Variants in MINDY3 observed in about 807,000 individuals in gnomAD.
The protein encoded by MINDY3 is MINDY lysine 48 deubiquitinase 3.
In MINDY3, 38 loss-of-function variants were observed where a neutral mutation model predicts 69.2. That is an observed-to-expected ratio of 0.55 (90% CI 0.42 to 0.72). The LOEUF (loss-of-function observed/expected upper bound fraction) is 0.72, where lower values mean the gene tolerates loss of function less well. Ranked by LOEUF, MINDY3 falls within the 30% of genes least tolerant of loss-of-function variation. MINDY3 has a pLI of 0.00. For synonymous variants in MINDY3, 192 were observed against 180.1 expected (o/e 1.07, Z -0.53); for missense variants, 522 against 519.0 (o/e 1.01, Z -0.06).
intron 8 of MINDY3, among the ~76,000 whole-genome samples, chr10:15,832,715 A>G (rs1328871280): frequency 6.6e-6 from 1 of 152,212 alleles, no homozygotes; most frequent in Admixed American, 6.5e-5. Context: ...AACGGGTTGT[A>G]CTGTGGTGCT....
chr10:15,816,281 TG>T (rs1839360242), intron 10 of MINDY3, among the ~76,000 whole-genome samples: 4 of 100,640 alleles, frequency 4.0e-5, no homozygotes, highest in African/African-American at 1.9e-4. Flanking sequence ...AAAAAAAAAA[TG>T]AAAAAGAAAA....
chr10:15,838,342 G>A, intron 4 of MINDY3, 63 bp from the exon 5 acceptor site: 3 of 1,407,174 alleles, frequency 2.1e-6, no homozygotes, highest in Admixed American at 2.4e-5. Context: ...GATACACACA[G>A]CAGGCTGTAA....
rs968150241 is a variant in MINDY3, at chr10:15,860,463, T to A, written c.-164A>T. On this transcript the variant is annotated 5_prime_UTR_variant, in exon 1 of 15. Transcript: ENST00000277632. ...GAGAGCCACTTGCAGAGACCAAGCC[T>A]GTCAAGCCAGGTTGGGGCAGCAGCG... 3.1e-6 allele frequency: 2 copies of A among 646,382 alleles called. No homozygotes were observed. The highest frequency in any genetic ancestry group is 2.8e-5 in the East Asian group (1 of 35,384). The allele number at this position is 646,382 out of a possible 1,614,324, so 40.0% of individuals were successfully genotyped here. A position where few individuals can be genotyped will look rare whatever the true frequency, so the allele number is the denominator to read the frequency against.
intron 2 of MINDY3, among the ~76,000 whole-genome samples, chr10:15,844,883 G>A (rs764745860): frequency 6.6e-6 from 1 of 152,034 alleles, no homozygotes; most frequent in Non-Finnish European, 1.5e-5. Flanking sequence ...TACTTTCCTG[G>A]CTTCCTAGTG....
chr10:15,819,128 T>G (rs1441301158), intron 9 of MINDY3, among the ~76,000 whole-genome samples: 2 of 152,180 alleles, frequency 1.3e-5, no homozygotes, highest in Non-Finnish European at 2.9e-5. Flanking sequence ...ATTGTATTAA[T>G]GCATGTATAA....
intron 8 of MINDY3, among the ~76,000 whole-genome samples, chr10:15,827,108 C>A (rs1006268929): frequency 5.5e-5 from 8 of 144,980 alleles, no homozygotes; most frequent in Non-Finnish European, 1.0e-4. Flanking sequence ...CAGAGCGAGA[C>A]CCCGTCTCTA....
At chr10:15,781,874 T>C (rs532446166) in intron 14 of MINDY3, among the ~76,000 whole-genome samples, 91 of 152,306 alleles carry the variant, frequency 6.0e-4, no homozygotes, top group African/African-American at 2.0e-3. Context: ...AACTACGATG[T>C]TGATTTAGAA....
intron 8 of MINDY3, among the ~76,000 whole-genome samples, chr10:15,829,873 T>C (rs1261904648): frequency 6.6e-6 from 1 of 152,136 alleles, no homozygotes; most frequent in East Asian, 1.9e-4. Flanking sequence ...AAACCGAGGC[T>C]CAGATAATTT....
chr10:15,845,813 AT>A (rs891710697), intron 2 of MINDY3, among the ~76,000 whole-genome samples: 827 of 49,326 alleles, frequency 0.017, 2 homozygotes, highest in Non-Finnish European at 0.025. Context: ...GGCCTATGTG[AT>A]TTTTTTTTTT....
chr10:15,833,190 T>A (rs1344986291), intron 8 of MINDY3, among the ~76,000 whole-genome samples: 1 of 152,128 alleles, frequency 6.6e-6, no homozygotes, highest in Non-Finnish European at 1.5e-5. Context: ...AATTTAAAAG[T>A]CTCAGTATTA....
At chr10:15,803,613 A>G (rs1291876014) in intron 10 of MINDY3, among the ~76,000 whole-genome samples, 1 of 152,140 alleles carries the variant, frequency 6.6e-6, no homozygotes, top group East Asian at 1.9e-4. Context: ...TATTTTCTCT[A>G]TCTAACTATA....
chr10:15,818,549 C>T (rs776875965), intron 9 of MINDY3, among the ~76,000 whole-genome samples: 3 of 152,096 alleles, frequency 2.0e-5, no homozygotes, highest in African/African-American at 4.8e-5. Flanking sequence ...AAAATTTGTA[C>T]ATCAATGTTT....
chr10:15,788,137 G>C (rs1564455125), intron 12 of MINDY3, among the ~76,000 whole-genome samples: 1 of 151,854 alleles, frequency 6.6e-6, no homozygotes. Context: ...AAAATTACTT[G>C]AGTTAATTCT....
chr10:15,859,479 C>A (rs1170794246), intron 1 of MINDY3, among the ~76,000 whole-genome samples: 1 of 152,046 alleles, frequency 6.6e-6, no homozygotes, highest in East Asian at 1.9e-4. Context: ...AAGCGCCCAG[C>A]CTGTTACAGT....
At position 15,854,719 on chromosome 10, in the gene MINDY3, T is replaced by C. The variant is rs115081480; in HGVS notation, c.94+5487A>G. 1.6e-3 allele frequency among the ~76,000 whole-genome samples: 248 copies of C among 152,170 alleles called. 1 individual carries two copies. The highest frequency in any genetic ancestry group is 5.8e-3 in the African/African-American group (239 of 41,544). On this transcript the variant is annotated intron_variant, in intron 1 of 14. Coordinates refer to ENST00000277632, the MANE Select transcript of MINDY3 (RefSeq NM_024948.4). ...AGAAGCACTGAGGGCTCAGCTAAGATTTAACTACATTTGTATTGGTGCTGG... is the reference window on the plus strand; with the variant it reads ...AGAAGCACTGAGGGCTCAGCTAAGACTTAACTACATTTGTATTGGTGCTGG...
intron 8 of MINDY3, among the ~76,000 whole-genome samples, chr10:15,827,807 C>G (rs1366262850): frequency 6.6e-6 from 1 of 152,146 alleles, no homozygotes; most frequent in South Asian, 2.1e-4. Flanking sequence ...AAGAGATGAT[C>G]AAGCTCAGGC....
intron 10 of MINDY3, among the ~76,000 whole-genome samples, chr10:15,799,585 T>G (rs1838105899): frequency 6.6e-6 from 1 of 152,100 alleles, no homozygotes; most frequent in Non-Finnish European, 1.5e-5. Context: ...AAAGAATATA[T>G]TTTGGCTATT....
chr10:15,819,504 A>G (rs1003603625), intron 9 of MINDY3, among the ~76,000 whole-genome samples: 2 of 152,152 alleles, frequency 1.3e-5, no homozygotes, highest in Non-Finnish European at 2.9e-5. Context: ...GGAGTCAGGT[A>G]CCAGACAGAC....
intron 1 of MINDY3, among the ~76,000 whole-genome samples, chr10:15,850,514 T>C (rs191249619): frequency 1.3e-5 from 2 of 152,208 alleles, no homozygotes; most frequent in East Asian, 3.9e-4. Flanking sequence ...AAATGGCCGC[T>C]CGGGGAGTGT....
Sources: gnomAD v4.1 joint callset for allele counts (sites outside exome capture counted in the v4.1 genomes callset) on GRCh38, gnomAD v4.1.1 for gene constraint, MANE v1.5 for transcripts, NCBI Gene and HGNC (gene_info 2026-07-23, HGNC 2026-07-21) for gene names.